Variants in ASH1L observed in about 807,000 individuals in gnomAD.
The protein encoded by ASH1L is ASH1 like histone lysine methyltransferase.
A neutral mutation model predicts 269.0 loss-of-function variants in ASH1L; 23 were observed. The ratio of observed to expected loss-of-function variants is 0.09; its 90% CI spans 0.06 to 0.12. ASH1L has a LOEUF of 0.12. Ranked by LOEUF, ASH1L falls within the 10% of genes least tolerant of loss-of-function variation. The pLI, the probability that ASH1L is intolerant of heterozygous loss-of-function variation, is 1.00. For missense variants in ASH1L, 2,912 were observed against 3,567.8 expected (o/e 0.82, Z 4.68); for synonymous variants, 1,187 against 1,253.5 (o/e 0.95, Z 1.12).
chr1:155,355,700 G>A (rs771101110), intron 15 of ASH1L, among the ~76,000 whole-genome samples: 3 of 152,188 alleles, frequency 2.0e-5, no homozygotes, highest in South Asian at 2.1e-4. Context: ...TGGTTTTTCC[G>A]AAATTTAAAA....
chr1:155,412,484 T>G (rs1172208519), intron 6 of ASH1L, among the ~76,000 whole-genome samples: 1 of 152,120 alleles, frequency 6.6e-6, no homozygotes, highest in Non-Finnish European at 1.5e-5. Flanking sequence ...GCTGAACATG[T>G]GGAGGTTCCT....
intron 2 of ASH1L, among the ~76,000 whole-genome samples, chr1:155,507,267 C>T (rs1301949521): frequency 5.5e-5 from 8 of 145,910 alleles, no homozygotes; most frequent in African/African-American, 1.8e-4. Flanking sequence ...CCAACAAGAG[C>T]GAAACTCCGT....
At chr1:155,376,187 AGTATGCAAAACACTAT>A (rs1483426957) in intron 10 of ASH1L, among the ~76,000 whole-genome samples, 2 of 152,242 alleles carry the variant, frequency 1.3e-5, no homozygotes, top group African/African-American at 2.4e-5. Flanking sequence ...AAAGAAAATC[AGTATGCAAAACACTAT>A]GTGAACCTGT....
chr1:155,510,034 T>C (rs1294023638), intron 2 of ASH1L, among the ~76,000 whole-genome samples: 5 of 152,100 alleles, frequency 3.3e-5, no homozygotes, highest in African/African-American at 9.7e-5. Flanking sequence ...CTTAAAAAGA[T>C]TTATAAATTA....
chr1:155,526,108 T>C (rs780933412), intron 1 of ASH1L, among the ~76,000 whole-genome samples: 1 of 152,186 alleles, frequency 6.6e-6, no homozygotes, highest in Non-Finnish European at 1.5e-5. Context: ...ACTGTATAAT[T>C]AAAATATAAG....
intron 6 of ASH1L, among the ~76,000 whole-genome samples, chr1:155,402,484 G>A (rs76343947): frequency 6.6e-6 from 1 of 152,168 alleles, no homozygotes; most frequent in East Asian, 1.9e-4. Flanking sequence ...TGTTATTCTA[G>A]AGCTAATCTT....
At position 155,438,698 on chromosome 1, in the gene ASH1L, T is replaced by G. The variant is rs1229415362; in HGVS notation, c.5457A>C (p.Thr1819=). The G allele has an allele frequency of 9.3e-6, 15 of 1,614,018 alleles. No individual in the cohort carries two copies. Among genetic ancestry groups the G allele is most frequent in the Non-Finnish European group, 1.3e-5 (15 of 1,180,042 alleles). ...TATTGACATGGTCTAGGTTTTTCTT[T>G]GTGGCCAAGATTTTGTCGTAATTGC... ...KMCNYDKILA[T]KKNLDHVNKI... The change falls in exon 5 of 28, where the codon ACA becomes ACC. Residue 1819 remains threonine (T), a synonymous_variant. Coordinates refer to ENST00000392403, the MANE Select transcript of ASH1L (RefSeq NM_018489.3).
At chr1:155,439,518 C>A (rs1389453684) in intron 4 of ASH1L, among the ~76,000 whole-genome samples, 1 of 151,912 alleles carries the variant, frequency 6.6e-6, no homozygotes, top group Admixed American at 6.6e-5. Flanking sequence ...AGGAACATAG[C>A]AAGAAGATGT....
chr1:155,528,500 C>T (rs749950761), intron 1 of ASH1L, among the ~76,000 whole-genome samples: 1 of 151,692 alleles, frequency 6.6e-6, no homozygotes, highest in African/African-American at 2.4e-5. Flanking sequence ...GGAAGCTGGC[C>T]AGTCCCAAAA....
chr1:155,481,129 T>C lies in ASH1L; in HGVS notation c.1741A>G (p.Asn581Asp). The change falls in exon 3 of 28, where the codon AAT becomes GAT. Residue 581 changes from asparagine (N) to aspartate (D), a missense_variant. Asn to Asp is a conservative substitution (Grantham distance 23). This residue lies in a region of ASH1L where 715 missense variants were observed against 721.0 expected (regional missense o/e 0.99). Coordinates refer to ENST00000392403, the MANE Select transcript of ASH1L (RefSeq NM_018489.3). ...GTAGTAGAACTTAAAAGTAATGGAT[T>C]AGGAGCCAACTGTGAAGAAGTTTCA... is the stretch of plus-strand genomic sequence containing the variant. ...PPETSSQLAP[N>D]PLLLSSTTEL... 6.2e-7 allele frequency: 1 copy of C among 1,614,096 alleles called. No individual in the cohort carries two copies. Among genetic ancestry groups the C allele is most frequent in the Non-Finnish European group, 8.5e-7 (1 of 1,179,974 alleles).
At chr1:155,430,437 T>C (rs1661513525) in intron 5 of ASH1L, among the ~76,000 whole-genome samples, 1 of 152,208 alleles carries the variant, frequency 6.6e-6, no homozygotes, top group Admixed American at 6.5e-5. Context: ...ATTTAGGCAA[T>C]AGGAGTGCTC....
intron 4 of ASH1L, among the ~76,000 whole-genome samples, chr1:155,452,049 T>C (rs1469313176): frequency 6.6e-6 from 1 of 151,296 alleles, no homozygotes; most frequent in African/African-American, 2.4e-5. Context: ...GTAATTTTTT[T>C]TTTTTTTTTG....
intron 6 of ASH1L, among the ~76,000 whole-genome samples, chr1:155,411,065 C>T (rs1044089612): frequency 6.6e-6 from 1 of 152,126 alleles, no homozygotes; most frequent in Non-Finnish European, 1.5e-5. Flanking sequence ...GATCATAACA[C>T]ATGTATCACA....
At chr1:155,439,714 A>C (rs1391643748) in intron 4 of ASH1L, among the ~76,000 whole-genome samples, 1 of 152,000 alleles carries the variant, frequency 6.6e-6, no homozygotes. Flanking sequence ...TTTAAAAATC[A>C]GTTCAAAATA....
At chr1:155,434,296 G>A (rs1471181230) in intron 5 of ASH1L, 4 of 1,577,052 alleles carry the variant, frequency 2.5e-6, no homozygotes, top group Non-Finnish European at 1.7e-6. Context: ...GGGACAGGGG[G>A]AGGGGAGGAG....
At chr1:155,348,568 ACTC>A (rs1273453624) in intron 19 of ASH1L, among the ~76,000 whole-genome samples, 1 of 151,474 alleles carries the variant, frequency 6.6e-6, no homozygotes, top group African/African-American at 2.4e-5. Flanking sequence ...TCACTGTGAT[ACTC>A]CTCAATTCCA....
chr1:155,524,931 T>A (rs780127817), intron 1 of ASH1L, among the ~76,000 whole-genome samples: 2 of 152,164 alleles, frequency 1.3e-5, no homozygotes, highest in East Asian at 1.9e-4. Context: ...AATGTTTTTT[T>A]AAAAATAAAT....
chr1:155,451,258 CTAAGT>C (rs1172176831), intron 4 of ASH1L, among the ~76,000 whole-genome samples: 1 of 150,874 alleles, frequency 6.6e-6, no homozygotes, highest in Non-Finnish European at 1.5e-5. Flanking sequence ...AACTTATGCT[CTAAGT>C]TAAGTAAGCC....
chr1:155,470,257 G>A (rs1426566674), intron 3 of ASH1L, among the ~76,000 whole-genome samples: 3 of 151,862 alleles, frequency 2.0e-5, no homozygotes, highest in South Asian at 2.1e-4. Context: ...TCAGGAGTTC[G>A]AGACCAGCCT....
Sources: gnomAD v4.1 joint callset for allele counts (sites outside exome capture counted in the v4.1 genomes callset) on GRCh38, gnomAD v4.1.1 for gene constraint, gnomAD v4.1.1 regional missense constraint, MANE v1.5 for transcripts, NCBI Gene and HGNC (gene_info 2026-07-23, HGNC 2026-07-21) for gene names.